Variants in SLC16A9 observed in about 807,000 individuals in gnomAD.
SLC16A9 encodes the protein monocarboxylate transporter 9.
SLC16A9 carries 26 observed loss-of-function variants against 44.3 expected under a neutral mutation model. The observed-to-expected ratio is 0.59, with a 90% confidence interval of 0.43 to 0.81. SLC16A9 has a LOEUF of 0.81. Among genes scored for constraint, SLC16A9 ranks in the 40% least tolerant of loss-of-function variants. The probability of loss-of-function intolerance (pLI) is 0.00; values close to 1 mark genes in which losing one functional copy is unlikely to be tolerated. For missense variants in SLC16A9, 559 were observed against 595.8 expected (o/e 0.94, Z 0.64); for synonymous variants, 230 against 225.1 (o/e 1.02, Z -0.19).
In SLC16A9 at chr10:59,709,519, C is replaced by G. The variant is rs1464807913; in HGVS notation, c.-77G>C. On this transcript the variant is annotated 5_prime_UTR_variant, in exon 1 of 6. Coordinates refer to ENST00000395348, the MANE Select transcript of SLC16A9 (RefSeq NM_194298.3). ...GGCGGGGCCTCCGGTGCTCAGCACCCGGCTCAGTGCCCCGTGCGGCCGGGC... is the reference window on the plus strand; with the variant it reads ...GGCGGGGCCTCCGGTGCTCAGCACCGGGCTCAGTGCCCCGTGCGGCCGGGC... 2.6e-5 allele frequency: 4 copies of G among 152,292 alleles called. No individual in the cohort carries two copies. In the East Asian group the frequency reaches 5.8e-4, roughly 22 times the overall value. 9.4% of individuals were successfully genotyped at this position (152,292 alleles called of 1,614,324 possible).
chr10:59,673,971 G>A (rs1839806341), intron 2 of SLC16A9, among the ~76,000 whole-genome samples: 1 of 152,132 alleles, frequency 6.6e-6, no homozygotes, highest in Non-Finnish European at 1.5e-5. Flanking sequence ...ACAGAAACAA[G>A]CAAAACTAAT....
intron 3 of SLC16A9, among the ~76,000 whole-genome samples, chr10:59,667,111 C>T (rs887414658): frequency 6.6e-6 from 1 of 152,134 alleles, no homozygotes; most frequent in South Asian, 2.1e-4. Flanking sequence ...GAATAAAGAT[C>T]TACTCAAAGC....
chr10:59,657,770 T>C (rs1839381828), intron 4 of SLC16A9, among the ~76,000 whole-genome samples: 1 of 152,176 alleles, frequency 6.6e-6, no homozygotes, highest in East Asian at 1.9e-4. Flanking sequence ...TACATCCCTT[T>C]CATATGTCCA....
chr10:59,680,721 C>G (rs923044394), intron 2 of SLC16A9, among the ~76,000 whole-genome samples: 1 of 152,082 alleles, frequency 6.6e-6, no homozygotes, highest in Non-Finnish European at 1.5e-5. Context: ...TAGCTTATGC[C>G]TGTAATCCCA....
chr10:59,663,253 C>T (rs761203165), intron 4 of SLC16A9, among the ~76,000 whole-genome samples: 10 of 151,818 alleles, frequency 6.6e-5, no homozygotes, highest in Non-Finnish European at 8.8e-5. Context: ...TCCAGCTACT[C>T]GGGAGGCTGA....
intron 1 of SLC16A9, among the ~76,000 whole-genome samples, chr10:59,686,186 C>T (rs1840129641): frequency 6.6e-6 from 1 of 152,122 alleles, no homozygotes; most frequent in Non-Finnish European, 1.5e-5. Flanking sequence ...CACATCATTA[C>T]CACATTTGTT....
intron 2 of SLC16A9, among the ~76,000 whole-genome samples, chr10:59,680,983 A>AAATAATAAT (rs67119717): frequency 0.037 from 5,470 of 147,960 alleles, 238 homozygotes; most frequent in African/African-American, 0.11. Flanking sequence ...ACCCAATCTC[A>AAATAATAAT]AATAATAATA....
At chr10:59,696,585 C>A (rs1163175695) in intron 1 of SLC16A9, among the ~76,000 whole-genome samples, 1 of 150,460 alleles carries the variant, frequency 6.6e-6, no homozygotes, top group African/African-American at 2.4e-5. Flanking sequence ...ATGTGAGGAG[C>A]CTCTCTGCCT....
At chr10:59,665,605 G>T (rs1370445455) in intron 3 of SLC16A9, among the ~76,000 whole-genome samples, 3 of 152,110 alleles carry the variant, frequency 2.0e-5, no homozygotes, top group Non-Finnish European at 4.4e-5. Context: ...AATTTATATA[G>T]TTGTCATTAC....
intron 1 of SLC16A9, among the ~76,000 whole-genome samples, chr10:59,691,095 A>C (rs886637138): frequency 6.6e-6 from 1 of 152,208 alleles, no homozygotes; most frequent in African/African-American, 2.4e-5. Context: ...TAAATAAATA[A>C]GTAAGTAAAT....
At chr10:59,685,711 G>T (rs1192086421) in intron 1 of SLC16A9, among the ~76,000 whole-genome samples, 1 of 152,132 alleles carries the variant, frequency 6.6e-6, no homozygotes, top group Non-Finnish European at 1.5e-5. Flanking sequence ...ATATCTTTTT[G>T]CTTATAGGCA....
Position 59,652,668 on chromosome 10 carries a change from CTA to C in SLC16A9, c.*102_*103del, listed in dbSNP as rs1839230317. 1 of 1,042,550 alleles carries C rather than the reference CTA, an allele frequency of 9.6e-7. No homozygotes were observed. The highest frequency in any genetic ancestry group is 1.6e-5 in the African/African-American group (1 of 60,638). The allele number at this position is 1,042,550 out of a possible 1,614,324, so 64.6% of individuals were successfully genotyped here. A position where few individuals can be genotyped will look rare whatever the true frequency, so the allele number is the denominator to read the frequency against. On this transcript the variant is annotated 3_prime_UTR_variant, in exon 6 of 6. Transcript: ENST00000395348. ...CAGAGTCAGTCATTGTGAAATTTTGCTATGAGAAAATAGTCTTGACTCTAGAA... is the reference window on the plus strand; with the variant it reads ...CAGAGTCAGTCATTGTGAAATTTTGCTGAGAAAATAGTCTTGACTCTAGAA...
At chr10:59,686,462 A>AT (rs1385321072) in intron 1 of SLC16A9, among the ~76,000 whole-genome samples, 1 of 152,198 alleles carries the variant, frequency 6.6e-6, no homozygotes, top group Non-Finnish European at 1.5e-5. Context: ...TATGTTTTGC[A>AT]TTTGTTCAAG....
chr10:59,675,205 G>C (rs1270851861), intron 2 of SLC16A9, among the ~76,000 whole-genome samples: 1 of 152,142 alleles, frequency 6.6e-6, no homozygotes, highest in Admixed American at 6.5e-5. Flanking sequence ...TTTAAAAATG[G>C]TGAAACTGGA....
At chr10:59,656,725 A>G (rs1256325354) in intron 4 of SLC16A9, among the ~76,000 whole-genome samples, 1 of 152,210 alleles carries the variant, frequency 6.6e-6, no homozygotes, top group Non-Finnish European at 1.5e-5. Flanking sequence ...ATAGGTAAAT[A>G]TAGCCATGGT....
At chr10:59,673,832 G>A (rs1039975160) in intron 2 of SLC16A9, among the ~76,000 whole-genome samples, 1 of 152,142 alleles carries the variant, frequency 6.6e-6, no homozygotes, top group African/African-American at 2.4e-5. Flanking sequence ...TTATATGGCA[G>A]TGAAAATGAT....
intron 1 of SLC16A9, among the ~76,000 whole-genome samples, chr10:59,690,349 T>C (rs924416328): frequency 6.6e-6 from 1 of 152,172 alleles, no homozygotes; most frequent in African/African-American, 2.4e-5. Flanking sequence ...AAGATATGTG[T>C]ACATGGGAAG....
intron 2 of SLC16A9, among the ~76,000 whole-genome samples, chr10:59,679,100 G>A (rs949006679): frequency 2.0e-5 from 3 of 152,156 alleles, no homozygotes; most frequent in African/African-American, 7.2e-5. Context: ...AAGGGAGAGG[G>A]CAAGGACTCT....
In SLC16A9 at chr10:59,673,876, AACACAATGTAAATGAAAG is replaced by A. The variant is rs534650584; in HGVS notation, c.197-981_197-964del. Among the ~76,000 whole-genome samples the A allele has an allele frequency of 3.4e-3, 520 of 152,354 alleles. 5 individuals are homozygous for A. The highest frequency in any genetic ancestry group is 4.7e-3 in the Non-Finnish European group (320 of 68,036). ...ACACACATTAAGGGTGTATCACACA[AACACAATGTAAATGAAAG>A]ACACAATGTAAATGAAAGACACCCA... is the stretch of plus-strand genomic sequence containing the variant. On this transcript the variant is annotated intron_variant, in intron 2 of 5. Transcript: ENST00000395348.
Sources: gnomAD v4.1 joint callset for allele counts (sites outside exome capture counted in the v4.1 genomes callset) on GRCh38, gnomAD v4.1.1 for gene constraint, MANE v1.5 for transcripts, NCBI Gene and HGNC (gene_info 2026-07-23, HGNC 2026-07-21) for gene names.